Variants in LRRC8C observed in about 807,000 individuals in gnomAD.
LRRC8C encodes the protein leucine rich repeat containing 8 VRAC subunit C, also known as volume-regulated anion channel subunit LRRC8C.
A neutral mutation model predicts 55.3 loss-of-function variants in LRRC8C; 20 were observed. The ratio of observed to expected loss-of-function variants is 0.36; its 90% CI spans 0.25 to 0.53. The LOEUF (loss-of-function observed/expected upper bound fraction) is 0.53. Among genes scored for constraint, LRRC8C ranks in the 20% least tolerant of loss-of-function variants. The pLI is 0.92. For missense variants in LRRC8C, 659 were observed against 951.4 expected (o/e 0.69, Z 4.04); for synonymous variants, 376 against 360.7 (o/e 1.04, Z -0.48).
chr1:89,670,141 G>GTTA, intron 1 of LRRC8C, among the ~76,000 whole-genome samples: 1 of 152,224 alleles, frequency 6.6e-6, no homozygotes, highest in South Asian at 2.1e-4. Context: ...GTCCAGAATA[G>GTTA]TTATTATATC....
chr1:89,659,169 C>G (rs1252382896), intron 1 of LRRC8C, among the ~76,000 whole-genome samples: 1 of 150,300 alleles, frequency 6.7e-6, no homozygotes. Flanking sequence ...TCAAGCAGTC[C>G]TCCTGCTTTA....
chr1:89,693,135 G>A (rs115907610), intron 2 of LRRC8C, among the ~76,000 whole-genome samples: 1 of 152,126 alleles, frequency 6.6e-6, no homozygotes, highest in African/African-American at 2.4e-5. Flanking sequence ...AAAAATCCTG[G>A]AAGATTTAAC....
chr1:89,654,685 A>G (rs1389974252), intron 1 of LRRC8C, among the ~76,000 whole-genome samples: 1 of 152,076 alleles, frequency 6.6e-6, no homozygotes, highest in Non-Finnish European at 1.5e-5. Flanking sequence ...GCTTTTTACA[A>G]CTATTTTCTG....
rs967388453 is a variant in LRRC8C at position 89,717,225 on chromosome 1, G to C, written c.*2243G>C. On this transcript the variant is annotated 3_prime_UTR_variant, in exon 3 of 3. Transcript: ENST00000370454. ...AATACCTCGTCGAAAGGCAAGCTTAGGTAACTGCTGGCAAAACACTGGGTG... is the reference window on the plus strand; with the variant it reads ...AATACCTCGTCGAAAGGCAAGCTTACGTAACTGCTGGCAAAACACTGGGTG... 1 of 152,058 alleles carries C rather than the reference G, an allele frequency of 6.6e-6. No individual in the cohort carries two copies. The highest frequency in any genetic ancestry group is 1.5e-5 in the Non-Finnish European group (1 of 67,998). The allele number at this position is 152,058 out of a possible 1,614,324, so 9.4% of individuals were successfully genotyped here. A position where few individuals can be genotyped will look rare whatever the true frequency, so the allele number is the denominator to read the frequency against.
At chr1:89,634,728 AGT>A (rs1246971706) in intron 1 of LRRC8C, among the ~76,000 whole-genome samples, 1 of 152,272 alleles carries the variant, frequency 6.6e-6, no homozygotes, top group Non-Finnish European at 1.5e-5. Context: ...CAATGTGTTG[AGT>A]GTGTAAACAA....
At position 89,712,777 on chromosome 1, in the gene LRRC8C, G is replaced by A. The variant is rs142843076; in HGVS notation, c.207G>A (p.Ser69=). The A allele has an allele frequency of 4.7e-3, 7,655 of 1,614,112 alleles. 283 individuals are homozygous for A. The Admixed American group carries it at 0.083, about 17-fold the overall frequency. The change falls in exon 3 of 3, where the codon TCG becomes TCA. Residue 69 remains serine (S), a synonymous_variant. Coordinates refer to ENST00000370454, the MANE Select transcript of LRRC8C (RefSeq NM_032270.5). The part of the protein sequence containing the change: ...VQPAQNHSSL[S]NVSQAVASTT... Reference sequence around the variant, plus strand: ...CTGCTCAGAACCACTCTTCCCTTTCGAATGTCTCTCAAGCAGTTGCCAGTA... The same window carrying A: ...CTGCTCAGAACCACTCTTCCCTTTCAAATGTCTCTCAAGCAGTTGCCAGTA...
At chr1:89,683,421 G>A (rs1170557993) in intron 1 of LRRC8C, among the ~76,000 whole-genome samples, 4 of 148,138 alleles carry the variant, frequency 2.7e-5, no homozygotes. Context: ...GCAGTGGTGC[G>A]ATCTCGGCTC....
the LRRC8C span, among the ~76,000 whole-genome samples, chr1:89,622,087 G>A: frequency 6.6e-6 from 1 of 152,040 alleles, no homozygotes. Flanking sequence ...ACTCTAGGGG[G>A]AAAAAATGAC....
In LRRC8C at chr1:89,656,715, A is replaced by G. The variant is rs868272609; in HGVS notation, c.-5+23393A>G. On this transcript the variant is annotated intron_variant, in intron 1 of 2. Transcript: ENST00000370454. ...CAAATGTTTTCAAGAGGACACCACA[A>G]TTTGGGGGTACTGTTCGGCACTTTC... Among the ~76,000 whole-genome samples the G allele has an allele frequency of 1.5e-4, 23 of 152,220 alleles. 1 individual carries two copies. The highest frequency in any genetic ancestry group is 6.3e-3 in the Middle Eastern group (2 of 316).
At chr1:89,647,307 A>G (rs115275302) in intron 1 of LRRC8C, among the ~76,000 whole-genome samples, 2,565 of 152,334 alleles carry the variant, frequency 0.017, 89 homozygotes, top group African/African-American at 0.058. Context: ...GCTCCAAATT[A>G]GGAACATGAT....
intron 1 of LRRC8C, among the ~76,000 whole-genome samples, chr1:89,660,404 C>G (rs1330926366): frequency 6.6e-6 from 1 of 152,124 alleles, no homozygotes; most frequent in African/African-American, 2.4e-5. Flanking sequence ...AAACCTCATG[C>G]CTGGGCCCCA....
rs922900757 is a variant in LRRC8C, at chr1:89,705,363, T to C, written c.139-7346T>C. 8.6e-5 allele frequency among the ~76,000 whole-genome samples: 13 copies of C among 151,228 alleles called. No homozygotes were observed. The South Asian group carries it at 2.7e-3, about 32-fold the overall frequency. ...GGGTGCAGCGCACCAGCATGGCACA[T>C]GTATACATATGTAACTAACCTGCAC... On this transcript the variant is annotated intron_variant, in intron 2 of 2. Coordinates refer to ENST00000370454, the MANE Select transcript of LRRC8C (RefSeq NM_032270.5).
chr1:89,678,455 C>G (rs1448663233), intron 1 of LRRC8C, among the ~76,000 whole-genome samples: 1 of 152,174 alleles, frequency 6.6e-6, no homozygotes, highest in Non-Finnish European at 1.5e-5. Context: ...AATCCCAGTA[C>G]TTTGGGAGGC....
chr1:89,653,745 A>G (rs10737707), intron 1 of LRRC8C, among the ~76,000 whole-genome samples: 85,219 of 152,124 alleles, frequency 0.56, 24,243 homozygotes, highest in East Asian at 0.79. Context: ...ATTGACTCCA[A>G]GGTTTTGACC....
intron 2 of LRRC8C, among the ~76,000 whole-genome samples, chr1:89,709,487 C>G (rs1658582759): frequency 6.6e-6 from 1 of 152,182 alleles, no homozygotes; most frequent in Admixed American, 6.5e-5. Flanking sequence ...TACACTTGCC[C>G]TTCACCTGGG....
chr1:89,681,200 AATGAC>A (rs72422787), intron 1 of LRRC8C, among the ~76,000 whole-genome samples: 9,601 of 152,308 alleles, frequency 0.063, 413 homozygotes, highest in Non-Finnish European at 0.095. Context: ...ATCACTTAGA[AATGAC>A]AGCAGCAATG....
At chr1:89,675,756 G>A (rs1657530773) in intron 1 of LRRC8C, among the ~76,000 whole-genome samples, 1 of 152,190 alleles carries the variant, frequency 6.6e-6, no homozygotes, top group Admixed American at 6.5e-5. Flanking sequence ...GGGATTGGGA[G>A]GAGGTGTGTA....
At chr1:89,670,235 T>C (rs1460894622) in intron 1 of LRRC8C, among the ~76,000 whole-genome samples, 1 of 152,314 alleles carries the variant, frequency 6.6e-6, no homozygotes, top group East Asian at 1.9e-4. Flanking sequence ...TTTTGCGTGT[T>C]GCCATAGTAA....
At chr1:89,622,059 T>C in the LRRC8C span, among the ~76,000 whole-genome samples, 1 of 152,194 alleles carries the variant, frequency 6.6e-6, no homozygotes, top group Non-Finnish European at 1.5e-5. Context: ...TAAGCAAGAC[T>C]GTTTATTTTT....
Sources: gnomAD v4.1 joint callset for allele counts (sites outside exome capture counted in the v4.1 genomes callset) on GRCh38, gnomAD v4.1.1 for gene constraint, MANE v1.5 for transcripts, NCBI Gene and HGNC (gene_info 2026-07-23, HGNC 2026-07-21) for gene names.